Variants in CTSH observed in about 807,000 individuals in gnomAD.
The protein encoded by CTSH is pro-cathepsin H.
In CTSH, 52 loss-of-function variants were observed where a neutral mutation model predicts 56.3. That is an observed-to-expected ratio of 0.92 (90% CI 0.74 to 1.16). The LOEUF is 1.16. Ranked by LOEUF, CTSH falls within the 50% of genes most tolerant of loss-of-function variation. CTSH has a pLI of 0.00. For missense variants in CTSH, 406 were observed against 424.5 expected (o/e 0.96, Z 0.38); for synonymous variants, 174 against 155.7 (o/e 1.12, Z -0.88).
rs1002248176 is a variant in CTSH at position 78,931,462 on chromosome 15, G to A, written c.537C>T (p.His179=). ...GGTCAGAGACGTACCCTTGGCAGCC[G>A]TGATTATTGAAGTCCTGGGCGCAGT... is the stretch of plus-strand genomic sequence containing the variant. The part of the protein sequence containing the change: ...LVDCAQDFNN[H]GCQGGLPSQA... The change falls in exon 7 of 12, where the codon CAC becomes CAT. Residue 179 remains histidine, a synonymous_variant. Coordinates refer to ENST00000220166, the MANE Select transcript of CTSH (RefSeq NM_004390.5). The A allele has an allele frequency of 1.1e-5, 17 of 1,614,216 alleles. No homozygotes were observed. The highest frequency in any genetic ancestry group is 3.3e-4 in the Middle Eastern group (2 of 6,062).
At chr15:78,922,765 G>T (rs1038586558) in intron 11 of CTSH, among the ~76,000 whole-genome samples, 1 of 152,230 alleles carries the variant, frequency 6.6e-6, no homozygotes, top group East Asian at 1.9e-4. Context: ...CTGGCCTCCT[G>T]CTCTCCCTGC....
intron 11 of CTSH, among the ~76,000 whole-genome samples, chr15:78,922,460 C>T (rs2054792575): frequency 6.6e-6 from 1 of 152,220 alleles, no homozygotes; most frequent in African/African-American, 2.4e-5. Flanking sequence ...CGAGGGCCCC[C>T]TCTTAGCCCT....
chr15:78,925,068 A>G (rs1458088787), intron 10 of CTSH, among the ~76,000 whole-genome samples: 1 of 152,172 alleles, frequency 6.6e-6, no homozygotes, highest in Non-Finnish European at 1.5e-5. Context: ...TTTTGGCCCT[A>G]GCTCTCACTA....
chr15:78,921,490 C>T lies in CTSH; in HGVS notation c.*640G>A, dbSNP rs1052300271. On this transcript the variant is annotated 3_prime_UTR_variant, in exon 12 of 12. Coordinates refer to ENST00000220166, the MANE Select transcript of CTSH (RefSeq NM_004390.5). ...GGGAGGCCACACAGAGAAGTACAGGCTTCTGGGCTGACATTGTGGGTTTGA... is the reference window on the plus strand; with the variant it reads ...GGGAGGCCACACAGAGAAGTACAGGTTTCTGGGCTGACATTGTGGGTTTGA... The T allele has an allele frequency of 6.6e-6, 1 of 152,554 alleles. No individual in the cohort carries two copies. The highest frequency in any genetic ancestry group is 1.5e-5 in the Non-Finnish European group (1 of 68,360). 9.5% of individuals were successfully genotyped at this position (152,554 alleles called of 1,614,324 possible).
Position 78,923,012 on chromosome 15 carries a change from G to T in CTSH, c.913C>A (p.Pro305Thr). Residue 305 changes from proline to threonine, a missense_variant, in exon 11 of 12, where the codon CCC (proline) becomes ACC (threonine). Coordinates refer to ENST00000220166, the MANE Select transcript of CTSH (RefSeq NM_004390.5). ...PYWIVKNSWG[P>T]QWGMNGYFLI... ...GCTTACCCGTTCATTCCCCACTGGG[G>T]ACCCCAAGAGTTTTTCACGATCCAG... The T allele has an allele frequency of 1.2e-6, 2 of 1,611,622 alleles. No homozygotes were observed. Among genetic ancestry groups the T allele is most frequent in the African/African-American group, 1.3e-5 (1 of 74,820 alleles).
chr15:78,934,080 A>G (rs2055121979), intron 5 of CTSH, among the ~76,000 whole-genome samples: 1 of 152,082 alleles, frequency 6.6e-6, no homozygotes, highest in Non-Finnish European at 1.5e-5. Context: ...TCACGGGGCA[A>G]AGGCAGGCTT....
At chr15:78,941,459 T>C (rs1004544360) in intron 1 of CTSH, among the ~76,000 whole-genome samples, 1 of 145,564 alleles carries the variant, frequency 6.9e-6, no homozygotes, top group African/African-American at 2.5e-5. Flanking sequence ...AATTAAATGT[T>C]TTTACTACCT....
chr15:78,927,836 TC>T, intron 8 of CTSH, 55 bp from the exon 9 acceptor site: 1 of 1,440,040 alleles, frequency 6.9e-7, no homozygotes, highest in Non-Finnish European at 9.8e-7. Context: ...AGTCTCAGCC[TC>T]CCCACGCAGT....
chr15:78,932,466 G>A lies in CTSH; in HGVS notation c.406-8C>T, dbSNP rs1245252339. On this transcript the variant is annotated splice_region_variant and splice_polypyrimidine_tract_variant and intron_variant, in intron 5 of 11. Transcript: ENST00000220166. The stretch of plus-strand genomic sequence containing the variant: ...GCAACTGCCGCAGGCACCCTGGAAA[G>A]GCCAGGGGAGAGCAGAGGACATCAG... The A allele has an allele frequency of 6.2e-7, 1 of 1,610,154 alleles. No homozygotes were observed. The highest frequency in any genetic ancestry group is 2.2e-5 in the East Asian group (1 of 44,876).
At chr15:78,934,853 C>T (rs751739082) in intron 5 of CTSH, 125 bp downstream of exon 5, 21 of 737,190 alleles carry the variant, frequency 2.8e-5, no homozygotes, top group Admixed American at 2.0e-4. Flanking sequence ...GGAGAGATGC[C>T]GAGAGGAAAC....
chr15:78,937,960 T>A (rs1371288265), intron 2 of CTSH: 1 of 424,494 alleles, frequency 2.4e-6, no homozygotes, highest in African/African-American at 2.1e-5. Context: ...TTTAAAAATT[T>A]CTTTATGCTG....
rs780598377 is a variant in CTSH, at chr15:78,928,497, G to A, written c.631-716C>T. Among the ~76,000 whole-genome samples, 3 of 150,316 alleles carry A rather than the reference G, an allele frequency of 2.0e-5. 1 individual carries two copies. The highest frequency in any genetic ancestry group is 1.5e-5 in the Non-Finnish European group (1 of 67,740). ...AGATAACTGCTTGAACTCGGGAGGC[G>A]GAGGTTGCAGTGAGCCGAGATTGCG... On this transcript the variant is annotated intron_variant, in intron 8 of 11. Transcript: ENST00000220166.
chr15:78,925,441 C>G lies in CTSH; in HGVS notation c.700-1G>C. 2 of 1,607,036 alleles carry G rather than the reference C, an allele frequency of 1.2e-6. No homozygotes were observed. Among genetic ancestry groups the G allele is most frequent in the Non-Finnish European group, 1.7e-6 (2 of 1,173,680 alleles). Reference sequence around the variant, plus strand: ...CCTCCACCATCGCTTCCTCGTCATACTGTGGAAACAGGACCGAGACAGAAA... The same window carrying G: ...CCTCCACCATCGCTTCCTCGTCATAGTGTGGAAACAGGACCGAGACAGAAA... On this transcript the variant is annotated splice_acceptor_variant, in intron 9 of 11. Transcript: ENST00000220166. LOFTEE classifies it high-confidence loss of function.
intron 7 of CTSH, among the ~76,000 whole-genome samples, chr15:78,929,796 CTG>C (rs1027578626): frequency 6.6e-6 from 1 of 152,216 alleles, no homozygotes; most frequent in Non-Finnish European, 1.5e-5. Flanking sequence ...GCCCAGAGCA[CTG>C]TCATCGCCAC....
rs12148472 is a variant in CTSH at position 78,939,136 on chromosome 15, T to C, written c.123+4A>G. 203,434 of 1,596,550 alleles carry C rather than the reference T, an allele frequency of 0.13. 13,660 individuals carry two copies. Among genetic ancestry groups the C allele is most frequent in the African/African-American group, 0.18 (13,230 of 73,910 alleles). On this transcript the variant is annotated splice_donor_region_variant and intron_variant, in intron 2 of 11. Transcript: ENST00000220166. ...ACTTCAAAAAGAAGAAGTTGGGCAC[T>C]GACCTTAGACATCCATGACTTGAAG...
rs2054766624 is a variant in CTSH at position 78,921,371 on chromosome 15, GT to G, written c.*758del. On this transcript the variant is annotated 3_prime_UTR_variant, in exon 12 of 12. Transcript: ENST00000220166. ...GGAAACGACAGGAGCATCTGGGCAC[GT>G]TTGAAATAAATAAGGGGTTGGTGAG... The G allele has an allele frequency of 6.6e-6, 1 of 152,156 alleles. No individual in the cohort carries two copies. The highest frequency in any genetic ancestry group is 1.5e-5 in the Non-Finnish European group (1 of 68,074). The allele number at this position is 152,156 out of a possible 1,614,324, so 9.4% of individuals were successfully genotyped here. A position where few individuals can be genotyped will look rare whatever the true frequency, so the allele number is the denominator to read the frequency against.
chr15:78,921,584 A>AAAT lies in CTSH; in HGVS notation c.*543_*545dup. The AAAT allele has an allele frequency of 6.6e-6, 1 of 152,572 alleles. No individual in the cohort carries two copies. The highest frequency in any genetic ancestry group is 1.9e-4 in the East Asian group (1 of 5,172). The allele number at this position is 152,572 out of a possible 1,614,324, so 9.5% of individuals were successfully genotyped here. ...CCACCTCTCCACTCAGGTTTGGGACAAATAGTCAAGATCTCAAATTAAGCC... is the reference window on the plus strand; with the variant it reads ...CCACCTCTCCACTCAGGTTTGGGACAAATAATAGTCAAGATCTCAAATTAAGCC... On this transcript the variant is annotated 3_prime_UTR_variant, in exon 12 of 12. Transcript: ENST00000220166.
chr15:78,928,084 G>A (rs2054952790), intron 8 of CTSH, among the ~76,000 whole-genome samples: 1 of 152,318 alleles, frequency 6.6e-6, no homozygotes, highest in East Asian at 1.9e-4. Flanking sequence ...TGTGAGGCAG[G>A]GGAGTGGGGA....
intron 1 of CTSH, among the ~76,000 whole-genome samples, chr15:78,939,708 C>T (rs1179575564): frequency 3.3e-5 from 5 of 152,146 alleles, no homozygotes; most frequent in Admixed American, 6.5e-5. Flanking sequence ...GCCAACATGG[C>T]GAAACCCTGT....
Sources: gnomAD v4.1 joint callset for allele counts (sites outside exome capture counted in the v4.1 genomes callset) on GRCh38, gnomAD v4.1.1 for gene constraint, MANE v1.5 for transcripts, NCBI Gene and HGNC (gene_info 2026-07-23, HGNC 2026-07-21) for gene names.